ASB1: variants seen among roughly 807,000 people sequenced by gnomAD.
ASB1 encodes ankyrin repeat and SOCS box protein 1.
In ASB1, 18 loss-of-function variants were observed where a neutral mutation model predicts 27.7. The ratio of observed to expected loss-of-function variants is 0.65; its 90% CI spans 0.45 to 0.96. ASB1 has a LOEUF of 0.96. Ranked by LOEUF, ASB1 falls within the 50% of genes least tolerant of loss-of-function variation. ASB1 has a pLI of 0.00. For synonymous variants in ASB1, 189 were observed against 187.6 expected, an observed-to-expected ratio of 1.01 and a Z score of -0.06; for missense variants, 397 against 451.7, an observed-to-expected ratio of 0.88 and a Z score of 1.10.
rs557211715 is a variant in ASB1 at position 238,444,432 on chromosome 2, C to T, written c.585C>T (p.Pro195=). 11 of 1,614,154 alleles carry T rather than the reference C, an allele frequency of 6.8e-6. No individual in the cohort carries two copies. The South Asian group carries it at 1.1e-4, about 16-fold the overall frequency. ...GGCTCACCTCCTTGGTGGTCTGCCC[C>T]TTGTACATCAGCGCAGCCTACCACA... ...SRRLTSLVVC[P]LYISAAYHNL... is the part of the protein sequence containing the mutation. Residue 195 remains proline (P), a synonymous_variant, in exon 4 of 5, where the codon CCC becomes CCT. Coordinates refer to ENST00000264607, the MANE Select transcript of ASB1 (RefSeq NM_001040445.3).
In ASB1 at chr2:238,446,727, T is replaced by C. The variant is rs2106411564; in HGVS notation, c.*216T>C. The C allele has an allele frequency of 1.8e-6, 1 of 550,878 alleles. No individual in the cohort carries two copies. The highest frequency in any genetic ancestry group is 3.2e-6 in the Non-Finnish European group (1 of 312,938). 34.1% of individuals were successfully genotyped at this position (550,878 alleles called of 1,614,324 possible). On this transcript the variant is annotated 3_prime_UTR_variant, in exon 5 of 5. Coordinates refer to ENST00000264607, the MANE Select transcript of ASB1 (RefSeq NM_001040445.3). Reference sequence around the variant, plus strand: ...CTTATACTAAAGTTATTATTGTTTTTCCCAAGTTCTCTGTTCTGGATTTTC... The same window carrying C: ...CTTATACTAAAGTTATTATTGTTTTCCCCAAGTTCTCTGTTCTGGATTTTC...
intron 1 of ASB1, chr2:238,427,320 C>G (rs1349564718): frequency 2.6e-6 from 1 of 382,660 alleles, no homozygotes; most frequent in Non-Finnish European, 4.6e-6. Context: ...GCGCTGCCCT[C>G]TCCTCGGCCT....
rs147152590 is a variant in ASB1 at position 238,446,525 on chromosome 2, C to A, written c.*14C>A. ...CTCCATGAGTAGACTCCAAGTGCTG[C>A]GGTTGATTCCAGTGAGGGAGAAAGT... On this transcript the variant is annotated 3_prime_UTR_variant, in exon 5 of 5. Coordinates refer to ENST00000264607, the MANE Select transcript of ASB1 (RefSeq NM_001040445.3). 2 of 1,612,834 alleles carry A rather than the reference C, an allele frequency of 1.2e-6. No individual in the cohort carries two copies. The highest frequency in any genetic ancestry group is 2.2e-5 in the East Asian group (1 of 44,866).
intron 3 of ASB1, among the ~76,000 whole-genome samples, chr2:238,438,199 A>ATT (rs57391955): frequency 2.0e-5 from 2 of 98,198 alleles, no homozygotes; most frequent in East Asian, 2.8e-4. Context: ...GATGCCCTTC[A>ATT]TTTTTTTTTT....
rs1702265112 is a variant in ASB1, at chr2:238,450,651, C to T, written c.*4140C>T. The T allele has an allele frequency of 1.3e-5, 2 of 152,264 alleles. No individual in the cohort carries two copies. Among genetic ancestry groups the T allele is most frequent in the South Asian group, 4.1e-4 (2 of 4,836 alleles). The allele number at this position is 152,264 out of a possible 1,614,324, so 9.4% of individuals were successfully genotyped here. A position where few individuals can be genotyped will look rare whatever the true frequency, so the allele number is the denominator to read the frequency against. On this transcript the variant is annotated 3_prime_UTR_variant, in exon 5 of 5. Transcript: ENST00000264607. ...TGGCCAAGAACGAGTCTGGAGATCG[C>T]TGCGTGCGGTTTTAGGAAGTGCCAA...
intron 1 of ASB1, chr2:238,427,422 C>G (rs556444346): frequency 3.3e-6 from 1 of 307,366 alleles, no homozygotes; most frequent in African/African-American, 2.2e-5. Flanking sequence ...ATGACCCAAC[C>G]GCAAAAGTAG....
At chr2:238,444,994 T>TC (rs1702151617) in intron 4 of ASB1, among the ~76,000 whole-genome samples, 1 of 150,482 alleles carries the variant, frequency 6.6e-6, no homozygotes, top group Non-Finnish European at 1.5e-5. Context: ...TTTTTTTTTT[T>TC]TTTTTGAGGC....
intron 3 of ASB1, among the ~76,000 whole-genome samples, chr2:238,441,892 G>A (rs150068769): frequency 6.6e-6 from 1 of 152,290 alleles, no homozygotes; most frequent in East Asian, 1.9e-4. Context: ...TTTTGCTAGC[G>A]ATTGACAGAT....
At chr2:238,436,065 C>CT (rs1559413573) in intron 3 of ASB1, 52 bp downstream of exon 3, 5 of 1,470,162 alleles carry the variant, frequency 3.4e-6, no homozygotes, top group Non-Finnish European at 4.5e-6. Flanking sequence ...TTTTTCTTCT[C>CT]TGTATTTTGC....
intron 1 of ASB1, among the ~76,000 whole-genome samples, chr2:238,430,100 C>A (rs966392146): frequency 1.3e-5 from 2 of 152,158 alleles, no homozygotes; most frequent in South Asian, 4.1e-4. Context: ...ATTGATGGCT[C>A]CTGACTTATC....
chr2:238,433,401 G>C, intron 1 of ASB1, 153 bp from the exon 2 acceptor site: 1 of 882,198 alleles, frequency 1.1e-6, no homozygotes, highest in Non-Finnish European at 1.7e-6. Flanking sequence ...GGGATTACAG[G>C]CGTGCCACCA....
intron 4 of ASB1, among the ~76,000 whole-genome samples, chr2:238,445,352 C>A (rs1641053444): frequency 6.6e-6 from 1 of 152,082 alleles, no homozygotes; most frequent in Non-Finnish European, 1.5e-5. Context: ...TTCTTTTATG[C>A]CTGGTTTTTA....
chr2:238,444,583 C>T lies in ASB1; in HGVS notation c.736C>T (p.His246Tyr). The stretch of plus-strand genomic sequence containing the variant: ...GTGCGTCATGGATGCTGTTCTGCGC[C>T]ACGGCTGTGAGGCAGCCTTCGTGAG... ...PGCVMDAVLR[H>Y]GCEAAFVSLL... The change falls in exon 4 of 5, where the codon CAC (histidine) becomes TAC (tyrosine). Residue 246 changes from histidine (H) to tyrosine (Y), a missense_variant. Coordinates refer to ENST00000264607, the MANE Select transcript of ASB1 (RefSeq NM_001040445.3). The T allele has an allele frequency of 6.2e-7, 1 of 1,614,190 alleles. No homozygotes were observed. The highest frequency in any genetic ancestry group is 8.5e-7 in the Non-Finnish European group (1 of 1,180,038).
Position 238,435,794 on chromosome 2 carries a change from G to A in ASB1, c.275G>A (p.Ser92Asn). The A allele has an allele frequency of 1.2e-6, 2 of 1,614,220 alleles. No individual in the cohort carries two copies. Among genetic ancestry groups the A allele is most frequent in the Non-Finnish European group, 1.7e-6 (2 of 1,180,048 alleles). The part of the protein sequence containing the change: ...LRIAATAGHG[S>N]CVDFLIRKGA... ...ATCGCGGCCACTGCAGGCCATGGGA[G>A]CTGTGTGGACTTCCTCATCCGGAAG... The change falls in exon 3 of 5, where the codon AGC (serine) becomes AAC (asparagine). Residue 92 changes from serine to asparagine, a missense_variant. Coordinates refer to ENST00000264607, the MANE Select transcript of ASB1 (RefSeq NM_001040445.3).
chr2:238,433,722 C>T (rs761818978), intron 2 of ASB1, 27 bp downstream of exon 2: 38 of 1,611,742 alleles, frequency 2.4e-5, no homozygotes, highest in African/African-American at 1.1e-4. Flanking sequence ...AGGGCTGGTC[C>T]GGGTACTAGG....
intron 4 of ASB1, 96 bp downstream of exon 4, chr2:238,444,823 A>C: frequency 1.4e-6 from 2 of 1,380,658 alleles, no homozygotes; most frequent in East Asian, 2.4e-5. Context: ...CCACCTGAGC[A>C]CTTGGCCAAA....
rs1701768699 is a variant in ASB1, at chr2:238,427,060, C to T, written c.-11C>T. On this transcript the variant is annotated 5_prime_UTR_variant, in exon 1 of 5. Transcript: ENST00000264607. ...CGCGGGTCAGGGGCGGCCGCGGAGG[C>T]GGAAGCATCCATGGCGGAGGGCGGC... 7.9e-7 allele frequency: 1 copy of T among 1,261,480 alleles called. No individual in the cohort carries two copies. The highest frequency in any genetic ancestry group is 4.1e-5 in the Admixed American group (1 of 24,246). The allele number at this position is 1,261,480 out of a possible 1,614,324, so 78.1% of individuals were successfully genotyped here.
intron 2 of ASB1, among the ~76,000 whole-genome samples, chr2:238,434,282 G>C (rs927120578): frequency 3.3e-5 from 5 of 152,212 alleles, no homozygotes; most frequent in Non-Finnish European, 7.3e-5. Flanking sequence ...AGCAAGTGAT[G>C]CTTGCCCTTC....
At chr2:238,443,204 G>A (rs79090948) in intron 3 of ASB1, among the ~76,000 whole-genome samples, 1 of 151,828 alleles carries the variant, frequency 6.6e-6, no homozygotes, top group East Asian at 1.9e-4. Flanking sequence ...CATTCTCTTA[G>A]GTCTACTTTT....
Sources: allele counts gnomAD v4.1 joint callset (sites outside exome capture counted in the v4.1 genomes callset), GRCh38; gene constraint gnomAD v4.1.1; transcripts MANE v1.5; gene names NCBI Gene and HGNC (gene_info 2026-07-23, HGNC 2026-07-21).